GALNT17: variants seen among roughly 807,000 people sequenced by gnomAD.
GALNT17 encodes polypeptide N-acetylgalactosaminyltransferase 17.
GALNT17 carries 29 observed loss-of-function variants against 63.7 expected under a neutral mutation model. The observed-to-expected ratio is 0.46, with a 90% CI of 0.34 to 0.62. The LOEUF (loss-of-function observed/expected upper bound fraction) is 0.62. Among genes scored for constraint, GALNT17 ranks in the 20% least tolerant of loss-of-function variants. The pLI is 0.01. For synonymous variants in GALNT17, 305 were observed against 318.3 expected, an observed-to-expected ratio of 0.96 and a Z score of 0.45; for missense variants, 603 against 799.6, an observed-to-expected ratio of 0.75 and a Z score of 2.97.
chr7:71,592,553 G>GAATAGAATAAAATAA (rs1562703287), intron 6 of GALNT17, among the ~76,000 whole-genome samples: 3 of 45,706 alleles, frequency 6.6e-5, no homozygotes, highest in Admixed American at 2.8e-4. Context: ...AAATAGCATA[G>GAATAGAATAAAATAA]CATAGCATAC....
intron 1 of GALNT17, chr7:71,300,407 C>T (rs1211588111): frequency 4.4e-6 from 2 of 456,190 alleles, no homozygotes; most frequent in East Asian, 1.4e-4. Context: ...TCTGTCTTCC[C>T]TCCTGTGTCC....
At chr7:71,458,051 C>T (rs1035479551) in intron 5 of GALNT17, among the ~76,000 whole-genome samples, 1 of 152,070 alleles carries the variant, frequency 6.6e-6, no homozygotes, top group African/African-American at 2.4e-5. Context: ...TCTGTTCTCT[C>T]CAATCCCCAC....
At chr7:71,526,559 G>A (rs549924570) in intron 5 of GALNT17, among the ~76,000 whole-genome samples, 2 of 151,574 alleles carry the variant, frequency 1.3e-5, no homozygotes, top group African/African-American at 4.8e-5. Flanking sequence ...TCTCTCTGTC[G>A]CCCAGGCTGG....
chr7:71,209,455 A>T (rs1383088485), intron 1 of GALNT17, among the ~76,000 whole-genome samples: 1 of 152,166 alleles, frequency 6.6e-6, no homozygotes. Flanking sequence ...CACTTGCCCA[A>T]GGTTATATTT....
chr7:71,346,108 G>A (rs1388173521), intron 2 of GALNT17, among the ~76,000 whole-genome samples: 4 of 151,700 alleles, frequency 2.6e-5, no homozygotes, highest in African/African-American at 9.7e-5. Flanking sequence ...TGGGGGGATT[G>A]CTTGAGTCCA....
intron 1 of GALNT17, among the ~76,000 whole-genome samples, chr7:71,137,315 A>G (rs979112908): frequency 8.7e-5 from 13 of 149,592 alleles, no homozygotes; most frequent in African/African-American, 3.2e-4. Flanking sequence ...AATTTTTTGT[A>G]TTTTTAGTAG....
At chr7:71,456,250 A>G (rs1345192323) in intron 5 of GALNT17, among the ~76,000 whole-genome samples, 1 of 152,174 alleles carries the variant, frequency 6.6e-6, no homozygotes, top group Non-Finnish European at 1.5e-5. Context: ...CATCTCAAAA[A>G]AAAAAGATTA....
At chr7:71,326,565 C>T (rs1430357677) in intron 1 of GALNT17, among the ~76,000 whole-genome samples, 1 of 152,144 alleles carries the variant, frequency 6.6e-6, no homozygotes, top group Non-Finnish European at 1.5e-5. Flanking sequence ...TTATATATGT[C>T]TTATTTTATT....
intron 3 of GALNT17, among the ~76,000 whole-genome samples, chr7:71,414,633 G>T (rs965553501): frequency 1.3e-5 from 2 of 152,166 alleles, no homozygotes; most frequent in African/African-American, 4.8e-5. Context: ...GAGTGATGTA[G>T]CCAGGAGCTG....
chr7:71,505,000 C>A (rs1160362819), intron 5 of GALNT17, among the ~76,000 whole-genome samples: 5 of 152,166 alleles, frequency 3.3e-5, no homozygotes, highest in African/African-American at 1.2e-4. Flanking sequence ...AATCTTAGGG[C>A]AAGTTGGATC....
rs551963131 is a variant in GALNT17 at position 71,666,032 on chromosome 7, T to G, written c.1266+436T>G. ...AGCTCTTCAGCTCTCCTCCACATTCTGCTCAGAAGATGGCCCAAGGAAATT... is the reference window on the plus strand; with the variant it reads ...AGCTCTTCAGCTCTCCTCCACATTCGGCTCAGAAGATGGCCCAAGGAAATT... On this transcript the variant is annotated intron_variant, in intron 7 of 10. Coordinates refer to ENST00000333538, the MANE Select transcript of GALNT17 (RefSeq NM_022479.3). Among the ~76,000 whole-genome samples the G allele has an allele frequency of 3.0e-3, 452 of 152,268 alleles. 1 individual carries two copies. The highest frequency in any genetic ancestry group is 0.01 in the African/African-American group (432 of 41,554).
intron 9 of GALNT17, among the ~76,000 whole-genome samples, chr7:71,695,772 A>T (rs1175559843): frequency 6.6e-6 from 1 of 152,170 alleles, no homozygotes; most frequent in African/African-American, 2.4e-5. Flanking sequence ...CAAAGGCAGC[A>T]TCCTCTGTAG....
chr7:71,444,230 CT>C (rs1012937786), intron 5 of GALNT17, among the ~76,000 whole-genome samples: 13 of 152,158 alleles, frequency 8.5e-5, no homozygotes, highest in Admixed American at 3.3e-4. Context: ...CTGCAAACAC[CT>C]GAGCCTTGGC....
At chr7:71,227,410 GT>G (rs1172978709) in intron 1 of GALNT17, among the ~76,000 whole-genome samples, 3 of 151,834 alleles carry the variant, frequency 2.0e-5, no homozygotes, top group Non-Finnish European at 4.4e-5. Flanking sequence ...GAACCCAGAG[GT>G]TGAGATGTGC....
At chr7:71,548,628 G>C (rs1789025807) in intron 5 of GALNT17, among the ~76,000 whole-genome samples, 1 of 152,188 alleles carries the variant, frequency 6.6e-6, no homozygotes, top group South Asian at 2.1e-4. Context: ...ACATGTCTTT[G>C]CTCCTCCTTC....
intron 1 of GALNT17, among the ~76,000 whole-genome samples, chr7:71,287,826 C>T (rs999277504): frequency 4.0e-5 from 6 of 151,138 alleles, no homozygotes; most frequent in Admixed American, 2.0e-4. Context: ...CTGAGGCAGG[C>T]AGATCACCTG....
At chr7:71,302,137 G>A (rs1562984566) in intron 1 of GALNT17, among the ~76,000 whole-genome samples, 1 of 152,124 alleles carries the variant, frequency 6.6e-6, no homozygotes, top group East Asian at 1.9e-4. Flanking sequence ...TATAAGTAGG[G>A]GCTTAACGAT....
rs546028422 is a variant in GALNT17 at position 71,376,947 on chromosome 7, G to A, written c.423-11288G>A. 6.0e-5 allele frequency among the ~76,000 whole-genome samples: 9 copies of A among 151,000 alleles called. No homozygotes were observed. In the South Asian group the frequency reaches 1.7e-3, roughly 28 times the overall value. On this transcript the variant is annotated intron_variant, in intron 2 of 10. Coordinates refer to ENST00000333538, the MANE Select transcript of GALNT17 (RefSeq NM_022479.3). ...CTAAAAATACAAAAGTTAGCCAAGCGAGGTGGTACACACCTGTAATCTCAG... is the reference window on the plus strand; with the variant it reads ...CTAAAAATACAAAAGTTAGCCAAGCAAGGTGGTACACACCTGTAATCTCAG...
At chr7:71,379,865 AC>A (rs1792812105) in intron 2 of GALNT17, among the ~76,000 whole-genome samples, 1 of 152,020 alleles carries the variant, frequency 6.6e-6, no homozygotes, top group Non-Finnish European at 1.5e-5. Flanking sequence ...GCATGAGGTC[AC>A]CCAGGACCCG....
Sources: allele counts gnomAD v4.1 joint callset (sites outside exome capture counted in the v4.1 genomes callset), GRCh38; gene constraint gnomAD v4.1.1; transcripts MANE v1.5; gene names NCBI Gene and HGNC (gene_info 2026-07-23, HGNC 2026-07-21).